Variants in TMX2 observed in about 807,000 individuals in gnomAD.
TMX2 encodes the protein thioredoxin-related transmembrane protein 2.
A neutral mutation model predicts 33.4 loss-of-function variants in TMX2; 20 were observed. That is an observed-to-expected ratio of 0.60 (90% CI 0.42 to 0.87). The LOEUF (loss-of-function observed/expected upper bound fraction) is 0.87. Among genes scored for constraint, TMX2 ranks in the 40% least tolerant of loss-of-function variants. The pLI, the probability that TMX2 is intolerant of heterozygous loss-of-function variation, is 0.00. For missense variants in TMX2, 340 were observed against 370.7 expected, an observed-to-expected ratio of 0.92 and a Z score of 0.68; for synonymous variants, 166 against 140.7, an observed-to-expected ratio of 1.18 and a Z score of -1.27.
intron 1 of TMX2, among the ~76,000 whole-genome samples, chr11:57,734,021 A>C (rs1222747178): frequency 6.6e-6 from 1 of 151,848 alleles, no homozygotes; most frequent in Non-Finnish European, 1.5e-5. Context: ...AAATACAAAA[A>C]ATTAGCTGGG....
At chr11:57,726,949 A>G (rs1948042108) in intron 1 of TMX2, among the ~76,000 whole-genome samples, 1 of 152,238 alleles carries the variant, frequency 6.6e-6, no homozygotes, top group African/African-American at 2.4e-5. Flanking sequence ...AGAATAGATG[A>G]TGCATGCAGG....
At chr11:57,718,645 C>G (rs1383840400) in intron 1 of TMX2, 3 of 333,048 alleles carry the variant, frequency 9.0e-6, no homozygotes, top group African/African-American at 6.6e-5. Flanking sequence ...TCTGAAATAA[C>G]CCCCCCTCTT....
intron 3 of TMX2, 147 bp downstream of exon 3, chr11:57,738,173 T>C (rs1028625427): frequency 1.3e-6 from 1 of 748,732 alleles, no homozygotes; most frequent in East Asian, 2.6e-5. Flanking sequence ...GAATTATATA[T>C]GTAGCTCAGA....
At chr11:57,714,348 A>C (rs1178493841) in intron 1 of TMX2, among the ~76,000 whole-genome samples, 2 of 152,206 alleles carry the variant, frequency 1.3e-5, no homozygotes, top group African/African-American at 4.8e-5. Context: ...GCAAACAGGT[A>C]TTTAATAAGA....
intron 1 of TMX2, among the ~76,000 whole-genome samples, chr11:57,715,493 A>C (rs889372686): frequency 2.0e-5 from 3 of 150,420 alleles, no homozygotes; most frequent in Admixed American, 2.0e-4. Context: ...GATTTTAATA[A>C]ACTTTACAAA....
At chr11:57,728,664 T>C (rs532933046) in intron 1 of TMX2, among the ~76,000 whole-genome samples, 1 of 152,292 alleles carries the variant, frequency 6.6e-6, no homozygotes, top group South Asian at 2.1e-4. Context: ...TCTATTGCTT[T>C]TTCTCCTAAA....
At chr11:57,724,569 C>T (rs565277825) in intron 1 of TMX2, among the ~76,000 whole-genome samples, 40 of 146,616 alleles carry the variant, frequency 2.7e-4, no homozygotes, top group Non-Finnish European at 4.2e-4. Context: ...ATGCTGGGAA[C>T]GCAAACCCTT....
rs1948347354 is a variant in TMX2, at chr11:57,730,956, C to A, written c.190-6652C>A. On this transcript the variant is annotated intron_variant, in intron 1 of 7. Transcript: ENST00000278422. ...AAATCATATCTTTCTAGAGATTAGT[C>A]TTTAATATTTAAAAAATGCACTAAC... Among the ~76,000 whole-genome samples the A allele has an allele frequency of 4.8e-5, 7 of 145,598 alleles. 1 individual carries two copies. In the South Asian group the frequency reaches 1.6e-3, roughly 33 times the overall value.
rs1949037349 is a variant in TMX2 at position 57,740,765 on chromosome 11, C to G, written c.*520C>G. 1 of 152,892 alleles carries G rather than the reference C, an allele frequency of 6.5e-6. No homozygotes were observed. The allele number at this position is 152,892 out of a possible 1,614,324, so 9.5% of individuals were successfully genotyped here. ...TTTGTCGCTAGTCCTAAGGAGAAACCTTTAACCACAAAGTTTTTATCATTG... is the reference window on the plus strand; with the variant it reads ...TTTGTCGCTAGTCCTAAGGAGAAACGTTTAACCACAAAGTTTTTATCATTG... On this transcript the variant is annotated 3_prime_UTR_variant, in exon 8 of 8. Transcript: ENST00000278422.
At chr11:57,727,378 G>T (rs997427602) in intron 1 of TMX2, among the ~76,000 whole-genome samples, 15 of 152,120 alleles carry the variant, frequency 9.9e-5, no homozygotes, top group African/African-American at 3.6e-4. Context: ...CTAGCACGTT[G>T]GGACCTGCTG....
intron 1 of TMX2, among the ~76,000 whole-genome samples, chr11:57,722,031 T>C (rs566974089): frequency 6.6e-6 from 1 of 152,302 alleles, no homozygotes; most frequent in East Asian, 1.9e-4. Flanking sequence ...GGTCTTGTTC[T>C]CTTACCCACG....
At chr11:57,716,791 G>T (rs1947117939) in intron 1 of TMX2, among the ~76,000 whole-genome samples, 1 of 146,930 alleles carries the variant, frequency 6.8e-6, no homozygotes, top group Admixed American at 6.7e-5. Context: ...GGGCGGCTGG[G>T]CAGAGGCGCC....
intron 1 of TMX2, among the ~76,000 whole-genome samples, chr11:57,716,596 C>T (rs1296354974): frequency 1.6e-5 from 2 of 127,890 alleles, no homozygotes; most frequent in East Asian, 2.7e-4. Flanking sequence ...CCGGACGGGG[C>T]GGCTGGCCGG....
chr11:57,716,514 G>A (rs1271992883), intron 1 of TMX2, among the ~76,000 whole-genome samples: 3 of 135,198 alleles, frequency 2.2e-5, no homozygotes, highest in African/African-American at 2.8e-5. Flanking sequence ...CAGTAGGGGC[G>A]GCCGGGCAGA....
rs199803011 is a variant in TMX2 at position 57,736,481 on chromosome 11, G to GT, written c.190-1126dup. ...GGTTGTTCTAGAAGGTGAGAAAACT[G>GT]TAAGACGAGTATTGAAAAGGGCTTT... On this transcript the variant is annotated intron_variant, in intron 1 of 7. Transcript: ENST00000278422. Among the ~76,000 whole-genome samples, 133 of 152,268 alleles carry GT rather than the reference G, an allele frequency of 8.7e-4. 4 individuals are homozygous for GT. In the East Asian group the frequency reaches 0.025, roughly 28 times the overall value.
At chr11:57,712,838 C>T in intron 1 of TMX2, 31 bp downstream of exon 1, 1 of 1,612,410 alleles carries the variant, frequency 6.2e-7, no homozygotes, top group South Asian at 1.1e-5. Flanking sequence ...TACCCCGCGA[C>T]CTTGACTGTC....
rs765976193 is a variant in TMX2 at position 57,738,996 on chromosome 11, T to A, written c.571T>A (p.Phe191Ile). ...SLKYNCTGLN[F>I]GKVDVGRYTD... ...CAGATACAACTGTACAGGGCTAAAT[T>A]TTGGGAAGGTGGATGTTGGACGCTA... The change falls in exon 6 of 8, where the codon TTT (phenylalanine) becomes ATT (isoleucine). Residue 191 changes from phenylalanine to isoleucine, a missense_variant. Physicochemically the swap from Phe to Ile is conservative, Grantham distance 21. This residue lies in a region of TMX2 where 209 missense variants were observed against 241.6 expected (regional missense o/e 0.87). Coordinates refer to ENST00000278422, the MANE Select transcript of TMX2 (RefSeq NM_015959.4). 2 of 1,614,154 alleles carry A rather than the reference T, an allele frequency of 1.2e-6. No homozygotes were observed. The highest frequency in any genetic ancestry group is 1.7e-6 in the Non-Finnish European group (2 of 1,180,032).
intron 1 of TMX2, among the ~76,000 whole-genome samples, chr11:57,714,904 C>T (rs910777414): frequency 2.0e-5 from 3 of 151,894 alleles, no homozygotes; most frequent in Non-Finnish European, 2.9e-5. Context: ...TAAAAAAGGC[C>T]GTTTTAATTT....
rs760526769 is a variant in TMX2 at position 57,738,735 on chromosome 11, A to G, written c.513A>G (p.Gln171=). Residue 171 remains glutamine (Q), a synonymous_variant, in exon 5 of 8, where the codon CAA becomes CAG. Transcript: ENST00000278422. ...TTGCCAATTGGTCTAATGACTGCCA[A>G]TCATTTGCCCCTATCTATGCTGACC... ...EFFANWSNDC[Q]SFAPIYADLS... 1.2e-5 allele frequency: 20 copies of G among 1,614,126 alleles called. No homozygotes were observed. In the East Asian group the frequency reaches 3.3e-4, roughly 27 times the overall value.
Sources: allele counts gnomAD v4.1 joint callset (sites outside exome capture counted in the v4.1 genomes callset), GRCh38; gene constraint gnomAD v4.1.1; regional missense constraint gnomAD v4.1.1; transcripts MANE v1.5; gene names NCBI Gene and HGNC (gene_info 2026-07-23, HGNC 2026-07-21).